The following GAL3ST2 variants were observed in gnomAD, a reference collection of about 807,000 sequenced individuals.
GAL3ST2 encodes beta-galactose-3-O-sulfotransferase 2.
In GAL3ST2, 16 loss-of-function variants were observed where a neutral mutation model predicts 12.9. The observed-to-expected ratio is 1.24, with a 90% confidence interval of 0.84 to 1.88. The LOEUF (loss-of-function observed/expected upper bound fraction) is 1.88. GAL3ST2 is among the 40% of genes most tolerant of loss of function. The pLI is 0.00. For missense variants in GAL3ST2, 639 were observed against 571.8 expected (o/e 1.12, Z -1.20); for synonymous variants, 302 against 273.9 (o/e 1.10, Z -1.01).
Position 241,802,157 on chromosome 2 carries a change from A to C in GAL3ST2, c.375+121A>C. 1.8e-4 allele frequency: 148 copies of C among 833,984 alleles called. No homozygotes were observed. Among genetic ancestry groups the C allele is most frequent in the Non-Finnish European group, 2.2e-4 (128 of 576,166 alleles). 51.7% of individuals were successfully genotyped at this position (833,984 alleles called of 1,614,324 possible). A position where few individuals can be genotyped will look rare whatever the true frequency, so the allele number is the denominator to read the frequency against. On this transcript the variant is annotated intron_variant, in intron 3 of 3. Coordinates refer to ENST00000192314, the MANE Select transcript of GAL3ST2 (RefSeq NM_022134.3). The surrounding 1 kb of genome is among the most constrained non-coding windows in gnomAD (Gnocchi z 4.8). ...AAGGCTTGGGGGCGGGGCGTGCAGAAGGCGGGTTGGGAGGGCCTGGGCCGC... is the reference window on the plus strand; with the variant it reads ...AAGGCTTGGGGGCGGGGCGTGCAGACGGCGGGTTGGGAGGGCCTGGGCCGC...
intron 1 of GAL3ST2, among the ~76,000 whole-genome samples, chr2:241,789,716 G>A (rs1032961387): frequency 1.3e-5 from 2 of 152,072 alleles, no homozygotes; most frequent in African/African-American, 4.8e-5. Context: ...GCCCCGTCCC[G>A]GGGCATGGTG....
At chr2:241,786,681 T>C (rs750195875) in intron 1 of GAL3ST2, among the ~76,000 whole-genome samples, 2 of 152,096 alleles carry the variant, frequency 1.3e-5, no homozygotes, top group Non-Finnish European at 2.9e-5. Flanking sequence ...GATCAGGGAT[T>C]TTTTGGAGGG....
Position 241,803,672 on chromosome 2 carries a change from G to A in GAL3ST2, c.703G>A (p.Val235Met). The A allele has an allele frequency of 1.3e-6, 2 of 1,547,672 alleles. No homozygotes were observed. Among genetic ancestry groups the A allele is most frequent in the Non-Finnish European group, 1.7e-6 (2 of 1,145,370 alleles). ...CGCCGAGCACCTGGACGAGTCCCTG[G>A]TGCTGCTGCGGCGCCGGCTGCGCTG... ...LIAEHLDESL[V>M]LLRRRLRWAL... Residue 235 changes from valine (V) to methionine (M), a missense_variant, in exon 4 of 4, where the codon GTG (valine) becomes ATG (methionine). Val to Met is a conservative substitution (Grantham distance 21). Transcript: ENST00000192314.
chr2:241,779,479 G>A (rs566530719), intron 1 of GAL3ST2, among the ~76,000 whole-genome samples: 465 of 150,494 alleles, frequency 3.1e-3, no homozygotes, highest in African/African-American at 0.011. Flanking sequence ...GTGATCCGCC[G>A]GCCTTGGCCT....
chr2:241,800,579 G>A lies in GAL3ST2; in HGVS notation c.120-1202G>A, dbSNP rs542272306. 3.3e-5 allele frequency among the ~76,000 whole-genome samples: 5 copies of A among 152,330 alleles called. No homozygotes were observed. In the East Asian group the frequency reaches 7.7e-4, roughly 23 times the overall value. ...GCCCTGCACGTCAGAAGGTGGAGCC[G>A]GGACGGGAAGCACTCGGTGCGCAGC... is the stretch of plus-strand genomic sequence containing the variant. On this transcript the variant is annotated intron_variant, in intron 2 of 3. Transcript: ENST00000192314. This position sits in a 1 kb window ranked among gnomAD's most constrained non-coding sequence, Gnocchi z 5.2.
At chr2:241,777,733 T>G (rs1053804922) in intron 1 of GAL3ST2, among the ~76,000 whole-genome samples, 1 of 151,800 alleles carries the variant, frequency 6.6e-6, no homozygotes, top group Non-Finnish European at 1.5e-5. Flanking sequence ...GGCTGAGAGG[T>G]GTGGGGCCGG....
chr2:241,795,716 GCCT>G lies in GAL3ST2; in HGVS notation c.30-3347_30-3345del, dbSNP rs1422526412. On this transcript the variant is annotated intron_variant, in intron 1 of 3. Coordinates refer to ENST00000192314, the MANE Select transcript of GAL3ST2 (RefSeq NM_022134.3). This position sits in a 1 kb window ranked among gnomAD's most constrained non-coding sequence, Gnocchi z 4.5. ...GCAGGAGCTCCGCTCTCAGTGTGGG[GCCT>G]CGTTTGGGTTTGGGAAAACATGTCC... Among the ~76,000 whole-genome samples, 1 of 152,272 alleles carries G rather than the reference GCCT, an allele frequency of 6.6e-6. No individual in the cohort carries two copies. Among genetic ancestry groups the G allele is most frequent in the African/African-American group, 2.4e-5 (1 of 41,472 alleles).
intron 1 of GAL3ST2, among the ~76,000 whole-genome samples, chr2:241,779,759 G>C (rs997559108): frequency 2.0e-5 from 3 of 150,722 alleles, no homozygotes; most frequent in African/African-American, 7.3e-5. Flanking sequence ...GCCGAGGCGG[G>C]CGGATCACCT....
At position 241,800,608 on chromosome 2, in the gene GAL3ST2, T is replaced by C. The variant is rs1575367914; in HGVS notation, c.120-1173T>C. 2.0e-5 allele frequency among the ~76,000 whole-genome samples: 3 copies of C among 152,352 alleles called. No homozygotes were observed. In the East Asian group the frequency reaches 5.8e-4, roughly 29 times the overall value. ...CGGGAAGCACTCGGTGCGCAGCCTC[T>C]GTAAACCGCCAGAACCAGTCCGGGG... On this transcript the variant is annotated intron_variant, in intron 2 of 3. Coordinates refer to ENST00000192314, the MANE Select transcript of GAL3ST2 (RefSeq NM_022134.3). This position sits in a 1 kb window ranked among gnomAD's most constrained non-coding sequence, Gnocchi z 5.2.
intron 1 of GAL3ST2, among the ~76,000 whole-genome samples, chr2:241,786,467 ACT>A (rs1332424997): frequency 6.6e-6 from 1 of 151,820 alleles, no homozygotes; most frequent in African/African-American, 2.4e-5. Flanking sequence ...TCAGGCTGAT[ACT>A]CTCTACCATC....
intron 1 of GAL3ST2, among the ~76,000 whole-genome samples, chr2:241,779,707 C>G (rs940885934): frequency 6.6e-6 from 1 of 151,072 alleles, no homozygotes; most frequent in Admixed American, 6.6e-5. Flanking sequence ...CTTATGTGGC[C>G]GGGCGCGGTG....
At chr2:241,785,857 TACACAC>T (rs142153611) in intron 1 of GAL3ST2, among the ~76,000 whole-genome samples, 1 of 150,064 alleles carries the variant, frequency 6.7e-6, no homozygotes, top group South Asian at 2.1e-4. Flanking sequence ...GCCTTTTAAA[TACACAC>T]ACACACACAC....
intron 1 of GAL3ST2, among the ~76,000 whole-genome samples, chr2:241,786,744 C>T (rs1043963917): frequency 6.6e-6 from 1 of 152,188 alleles, no homozygotes; most frequent in Admixed American, 6.5e-5. Flanking sequence ...ATAAAGTTAG[C>T]TCATGTCAGT....
At chr2:241,778,478 T>C (rs1291770571) in intron 1 of GAL3ST2, among the ~76,000 whole-genome samples, 10 of 152,276 alleles carry the variant, frequency 6.6e-5, no homozygotes, top group Admixed American at 6.5e-4. Context: ...CACAAAACTC[T>C]GAGCTATGGC....
chr2:241,801,497 T>G lies in GAL3ST2; in HGVS notation c.120-284T>G. 2 of 480,500 alleles carry G rather than the reference T, an allele frequency of 4.2e-6. No homozygotes were observed. The highest frequency in any genetic ancestry group is 3.8e-5 in the Admixed American group (1 of 26,186). 29.8% of individuals were successfully genotyped at this position (480,500 alleles called of 1,614,324 possible). Reference sequence around the variant, plus strand: ...GGGGTCCCCTTGGCCAAGATGGGGTTCATTTAGGGTTTTATTTTTAGTTCT... The same window carrying G: ...GGGGTCCCCTTGGCCAAGATGGGGTGCATTTAGGGTTTTATTTTTAGTTCT... On this transcript the variant is annotated intron_variant, in intron 2 of 3. Coordinates refer to ENST00000192314, the MANE Select transcript of GAL3ST2 (RefSeq NM_022134.3). This position sits in a 1 kb window ranked among gnomAD's most constrained non-coding sequence, Gnocchi z 4.4.
In GAL3ST2 at chr2:241,778,792, G is replaced by A. The variant is rs59808416; in HGVS notation, c.29+1808G>A. ...GCATATGCAGGACGAACATTGGTTC[G>A]GTCTGGAGAGGCAGGACGGCTCGAA... On this transcript the variant is annotated intron_variant, in intron 1 of 3. Transcript: ENST00000192314. Among the ~76,000 whole-genome samples, 1,114 of 152,250 alleles carry A rather than the reference G, an allele frequency of 7.3e-3. 3 individuals are homozygous for A. The highest frequency in any genetic ancestry group is 0.031 in the Middle Eastern group (9 of 294).
intron 1 of GAL3ST2, among the ~76,000 whole-genome samples, chr2:241,797,796 G>A (rs971745447): frequency 1.3e-5 from 2 of 152,218 alleles, no homozygotes; most frequent in Non-Finnish European, 2.9e-5. Context: ...CCCCTGGCCC[G>A]CTTTGCCTTG....
At chr2:241,779,786 G>A (rs1209990452) in intron 1 of GAL3ST2, among the ~76,000 whole-genome samples, 2 of 151,654 alleles carry the variant, frequency 1.3e-5, no homozygotes, top group Non-Finnish European at 2.9e-5. Flanking sequence ...AGGAGTTTGA[G>A]AACAGCCTGA....
At chr2:241,799,535 A>G (rs1269178842) in intron 2 of GAL3ST2, among the ~76,000 whole-genome samples, 2 of 152,224 alleles carry the variant, frequency 1.3e-5, no homozygotes, top group Non-Finnish European at 2.9e-5. Flanking sequence ...CCTTGCAGCC[A>G]TGGGCCCACC....
Sources: gnomAD v4.1 joint callset for allele counts (sites outside exome capture counted in the v4.1 genomes callset) on GRCh38, gnomAD v4.1.1 for gene constraint, Gnocchi (gnomAD v3.1) non-coding constraint, MANE v1.5 for transcripts, NCBI Gene and HGNC (gene_info 2026-07-23, HGNC 2026-07-21) for gene names.